FCHSD2: variants seen among roughly 807,000 people sequenced by gnomAD.
The protein encoded by FCHSD2 is F-BAR and double SH3 domains protein 2.
FCHSD2 carries 38 observed loss-of-function variants against 108.1 expected under a neutral mutation model. The observed-to-expected ratio is 0.35, with a 90% confidence interval of 0.27 to 0.46. The LOEUF (loss-of-function observed/expected upper bound fraction) is 0.46, where lower values mean the gene tolerates loss of function less well. FCHSD2 is among the 20% of genes least tolerant of loss of function. The pLI, the probability that FCHSD2 is intolerant of heterozygous loss-of-function variation, is 1.00. For synonymous variants in FCHSD2, 279 were observed against 314.7 expected, an observed-to-expected ratio of 0.89 and a Z score of 1.20; for missense variants, 751 against 897.8, an observed-to-expected ratio of 0.84 and a Z score of 2.09.
chr11:72,943,852 T>C (rs1340177273), intron 8 of FCHSD2, among the ~76,000 whole-genome samples: 1 of 152,224 alleles, frequency 6.6e-6, no homozygotes, highest in Non-Finnish European at 1.5e-5. Context: ...TTCTAAGGCA[T>C]GTTCAAATAT....
chr11:73,051,142 C>T (rs938070496), intron 3 of FCHSD2, among the ~76,000 whole-genome samples: 1 of 152,100 alleles, frequency 6.6e-6, no homozygotes, highest in Non-Finnish European at 1.5e-5. Context: ...CAAAGTGAGA[C>T]CCTGTCTCTA....
At chr11:73,126,533 A>T (rs2135566217) in intron 2 of FCHSD2, among the ~76,000 whole-genome samples, 1 of 152,116 alleles carries the variant, frequency 6.6e-6, no homozygotes, top group East Asian at 1.9e-4. Context: ...GTCTATTAAT[A>T]ATGAAAATAG....
intron 9 of FCHSD2, among the ~76,000 whole-genome samples, chr11:72,913,476 C>T (rs1035947273): frequency 6.6e-6 from 1 of 152,116 alleles, no homozygotes; most frequent in Non-Finnish European, 1.5e-5. Flanking sequence ...GCCATGTTGG[C>T]CAGGCTGATC....
chr11:73,044,263 A>T (rs1458995580), intron 3 of FCHSD2, among the ~76,000 whole-genome samples: 3 of 151,698 alleles, frequency 2.0e-5, no homozygotes, highest in African/African-American at 7.3e-5. Flanking sequence ...TTCCTCAATT[A>T]AAAAAAAACT....
chr11:72,894,606 ATTAT>A (rs1855382413), intron 10 of FCHSD2, among the ~76,000 whole-genome samples: 1 of 152,136 alleles, frequency 6.6e-6, no homozygotes, highest in African/African-American at 2.4e-5. Context: ...AAAGTTATTA[ATTAT>A]TTATCCTCAA....
chr11:72,907,048 G>A (rs1351449833), intron 9 of FCHSD2, among the ~76,000 whole-genome samples: 4 of 151,702 alleles, frequency 2.6e-5, no homozygotes, highest in Non-Finnish European at 4.4e-5. Flanking sequence ...CTTTTATTTC[G>A]TTGAGCCCTT....
intron 3 of FCHSD2, among the ~76,000 whole-genome samples, chr11:73,082,001 G>A (rs1467596824): frequency 2.0e-5 from 3 of 151,970 alleles, no homozygotes; most frequent in African/African-American, 4.8e-5. Context: ...TCAGCAGTTC[G>A]AGACCAGCCT....
At chr11:73,090,161 A>C (rs1859918884) in intron 2 of FCHSD2, among the ~76,000 whole-genome samples, 1 of 152,056 alleles carries the variant, frequency 6.6e-6, no homozygotes, top group African/African-American at 2.4e-5. Context: ...GAATAATGTA[A>C]ACCATCTTTT....
chr11:72,975,296 C>T (rs1482103872), intron 8 of FCHSD2, among the ~76,000 whole-genome samples: 1 of 152,060 alleles, frequency 6.6e-6, no homozygotes. Flanking sequence ...ATACTGATTT[C>T]CATTCATTTG....
chr11:73,043,169 G>A (rs1171376292), intron 3 of FCHSD2, among the ~76,000 whole-genome samples: 1 of 152,166 alleles, frequency 6.6e-6, no homozygotes, highest in Non-Finnish European at 1.5e-5. Context: ...TCCCTATTCA[G>A]TATGATGTTA....
chr11:72,865,539 T>G (rs780432690), intron 13 of FCHSD2, among the ~76,000 whole-genome samples: 3 of 152,230 alleles, frequency 2.0e-5, no homozygotes, highest in Non-Finnish European at 2.9e-5. Flanking sequence ...ATTTATTCAA[T>G]GCTTACTACT....
chr11:73,011,807 T>C (rs1857869554), intron 4 of FCHSD2, among the ~76,000 whole-genome samples: 1 of 152,190 alleles, frequency 6.6e-6, no homozygotes, highest in African/African-American at 2.4e-5. Context: ...CTACCTTGTT[T>C]CCCTTTCCTT....
chr11:72,849,341 T>C (rs1228927174), intron 14 of FCHSD2, among the ~76,000 whole-genome samples: 1 of 152,244 alleles, frequency 6.6e-6, no homozygotes, highest in Non-Finnish European at 1.5e-5. Flanking sequence ...TCTGCCTTCA[T>C]GGACCTTTAG....
chr11:73,085,712 A>C (rs1470583016), intron 2 of FCHSD2, among the ~76,000 whole-genome samples: 1 of 151,890 alleles, frequency 6.6e-6, no homozygotes, highest in Non-Finnish European at 1.5e-5. Flanking sequence ...AAACTTTTTA[A>C]CTATTAAAAA....
intron 3 of FCHSD2, 21 bp from the exon 4 acceptor site, chr11:73,015,906 T>C (rs1262631943): frequency 7.1e-7 from 1 of 1,401,688 alleles, no homozygotes; most frequent in South Asian, 1.3e-5. Context: ...ATACATATTT[T>C]TTCTAAAATA....
intron 8 of FCHSD2, among the ~76,000 whole-genome samples, chr11:72,922,588 A>G (rs919145016): frequency 6.6e-6 from 1 of 152,206 alleles, no homozygotes; most frequent in Admixed American, 6.5e-5. Context: ...TGATTAAGCT[A>G]TGATGTGTAC....
chr11:72,992,325 T>A (rs1282827562), intron 5 of FCHSD2, among the ~76,000 whole-genome samples: 2 of 152,032 alleles, frequency 1.3e-5, no homozygotes, highest in Non-Finnish European at 1.5e-5. Flanking sequence ...ATCGTGAAAA[T>A]GACCATACTG....
intron 9 of FCHSD2, among the ~76,000 whole-genome samples, chr11:72,908,299 T>G (rs1591387881): frequency 1.3e-5 from 2 of 152,000 alleles, no homozygotes. Context: ...ACACTTAGGT[T>G]GCTTCTAAAT....
intron 8 of FCHSD2, among the ~76,000 whole-genome samples, chr11:72,974,916 C>T (rs2135388602): frequency 6.6e-6 from 1 of 151,956 alleles, no homozygotes; most frequent in South Asian, 2.1e-4. Flanking sequence ...ATTAAGTAAA[C>T]AGACATTAGG....
Sources: allele counts gnomAD v4.1 joint callset (sites outside exome capture counted in the v4.1 genomes callset), GRCh38; gene constraint gnomAD v4.1.1; transcripts MANE v1.5; gene names NCBI Gene and HGNC (gene_info 2026-07-23, HGNC 2026-07-21).